The following KCNMA1 variants were observed in gnomAD, a reference collection of about 807,000 sequenced individuals.
KCNMA1 encodes the protein Calcium-activated potassium channel subunit alpha-1.
In KCNMA1, 29 loss-of-function variants were observed where a neutral mutation model predicts 140.0. The ratio of observed to expected loss-of-function variants is 0.21; its 90% CI spans 0.15 to 0.28. The LOEUF (loss-of-function observed/expected upper bound fraction) is 0.28. KCNMA1 is among the 10% of genes least tolerant of loss of function. KCNMA1 has a pLI of 1.00. For synonymous variants in KCNMA1, 612 were observed against 611.9 expected, an observed-to-expected ratio of 1.00 and a Z score of 0.00; for missense variants, 880 against 1,602.2, an observed-to-expected ratio of 0.55 and a Z score of 7.70.
chr10:77,483,597 G>C (rs111850111), intron 1 of KCNMA1, among the ~76,000 whole-genome samples: 69 of 152,318 alleles, frequency 4.5e-4, no homozygotes, highest in African/African-American at 1.3e-3. Flanking sequence ...CATGAGAAGA[G>C]AGCAGACTTC....
intron 16 of KCNMA1, chr10:77,023,009 A>C (rs544255810): frequency 2.2e-6 from 1 of 450,772 alleles, no homozygotes; most frequent in East Asian, 7.1e-5. Flanking sequence ...TCCTAGACAT[A>C]AAACACATCT....
Position 77,382,994 on chromosome 10 carries a change from GTATATATA to G in KCNMA1, c.540+20860_540+20867del, listed in dbSNP as rs544257955. Among the ~76,000 whole-genome samples, 103 of 46,420 alleles carry G rather than the reference GTATATATA, an allele frequency of 2.2e-3. 3 individuals are homozygous for G. Among genetic ancestry groups the G allele is most frequent in the Middle Eastern group, 0.012 (1 of 84 alleles). The allele number at this position is 46,420 out of a possible 152,430, so 30.5% of individuals were successfully genotyped here. On this transcript the variant is annotated intron_variant, in intron 2 of 27. Transcript: ENST00000286628. The stretch of plus-strand genomic sequence containing the variant: ...TGTGTGTGTGTGTGTGTGTGTGTGT[GTATATATA>G]TATATATATATATATATATATATAT...
At chr10:77,348,725 T>G (rs1218160714) in intron 2 of KCNMA1, among the ~76,000 whole-genome samples, 5 of 152,210 alleles carry the variant, frequency 3.3e-5, no homozygotes, top group Non-Finnish European at 5.9e-5. Context: ...AATATTCCAG[T>G]AGGGACCTGA....
chr10:77,390,138 C>T (rs10824536), intron 2 of KCNMA1, among the ~76,000 whole-genome samples: 19,696 of 152,142 alleles, frequency 0.13, 1,756 homozygotes, highest in African/African-American at 0.25. Flanking sequence ...TGCAAGGGAA[C>T]GAACTACTGA....
At chr10:77,103,493 G>A (rs755425414) in intron 9 of KCNMA1, among the ~76,000 whole-genome samples, 12 of 152,220 alleles carry the variant, frequency 7.9e-5, no homozygotes, top group Non-Finnish European at 1.6e-4. Flanking sequence ...GGGAACAGGT[G>A]GTTCCATCTG....
intron 2 of KCNMA1, among the ~76,000 whole-genome samples, chr10:77,252,735 G>A (rs2059922002): frequency 6.6e-6 from 1 of 152,076 alleles, no homozygotes; most frequent in Non-Finnish European, 1.5e-5. Flanking sequence ...GGGCAGAATG[G>A]TGGCTTGCAC....
chr10:77,179,264 G>A (rs2098781944), intron 5 of KCNMA1, among the ~76,000 whole-genome samples: 4 of 152,174 alleles, frequency 2.6e-5, no homozygotes, highest in African/African-American at 7.2e-5. Context: ...GATGTGGACT[G>A]AGTTGGTGGA....
At chr10:76,918,918 TCACACA>T (rs71477059) in intron 23 of KCNMA1, among the ~76,000 whole-genome samples, 10 of 144,248 alleles carry the variant, frequency 6.9e-5, no homozygotes, top group African/African-American at 1.8e-4. Context: ...ATATATCACA[TCACACA>T]CACACACACA....
At chr10:76,999,383 A>T (rs1174073467) in intron 19 of KCNMA1, among the ~76,000 whole-genome samples, 1 of 152,158 alleles carries the variant, frequency 6.6e-6, no homozygotes, top group Non-Finnish European at 1.5e-5. Flanking sequence ...AGTCTAGGCT[A>T]AGGTTTTAGA....
intron 14 of KCNMA1, among the ~76,000 whole-genome samples, chr10:77,059,350 C>T (rs2095655809): frequency 6.6e-6 from 1 of 151,974 alleles, no homozygotes. Context: ...AGATTTCCAA[C>T]TCATTTTATA....
chr10:77,339,808 CT>C (rs1264884564), intron 2 of KCNMA1, among the ~76,000 whole-genome samples: 3 of 152,242 alleles, frequency 2.0e-5, no homozygotes, highest in African/African-American at 7.2e-5. Flanking sequence ...GGGAAGATGT[CT>C]GATAAAAAGC....
intron 3 of KCNMA1, among the ~76,000 whole-genome samples, chr10:77,186,525 T>C (rs939073580): frequency 1.3e-5 from 2 of 152,084 alleles, no homozygotes; most frequent in African/African-American, 4.8e-5. Context: ...CCTGCTCTCC[T>C]ACACAGGTAC....
At chr10:77,543,435 A>T (rs2060652620) in intron 1 of KCNMA1, among the ~76,000 whole-genome samples, 1 of 152,210 alleles carries the variant, frequency 6.6e-6, no homozygotes, top group Non-Finnish European at 1.5e-5. Flanking sequence ...TGCAAGATAA[A>T]AAAAATATGG....
At position 77,108,712 on chromosome 10, in the gene KCNMA1, T is replaced by TA. The variant is rs1320976702; in HGVS notation, c.1132-141dup. ...AGGTATATATTGATATGTTGGATCA[T>TA]AAAAAACTAAAAGCACGAAGAGAGC... On this transcript the variant is annotated intron_variant, in intron 8 of 27. Transcript: ENST00000286628. This position sits in a 1 kb window ranked among gnomAD's most constrained non-coding sequence, Gnocchi z 4.6. 8.8e-6 allele frequency: 6 copies of TA among 682,740 alleles called. No homozygotes were observed. The Admixed American group carries it at 1.2e-4, about 13-fold the overall frequency. 42.3% of individuals were successfully genotyped at this position (682,740 alleles called of 1,614,324 possible).
intron 12 of KCNMA1, among the ~76,000 whole-genome samples, chr10:77,081,526 G>C (rs61866979): frequency 2.0e-5 from 3 of 151,994 alleles, no homozygotes; most frequent in African/African-American, 7.2e-5. Context: ...ACCCAGCAGC[G>C]CTCCCCACTT....
At chr10:77,323,611 C>T (rs1041610858) in intron 2 of KCNMA1, among the ~76,000 whole-genome samples, 43 of 152,346 alleles carry the variant, frequency 2.8e-4, no homozygotes, top group African/African-American at 9.4e-4. Flanking sequence ...ACCTATTGAG[C>T]TGCAAGAGGA....
chr10:77,500,276 T>C (rs2043396115), intron 1 of KCNMA1, among the ~76,000 whole-genome samples: 1 of 150,944 alleles, frequency 6.6e-6, no homozygotes, highest in South Asian at 2.1e-4. Context: ...AATAAATATA[T>C]AAAATTATAC....
At chr10:77,632,813 C>T (rs533990688) in intron 1 of KCNMA1, among the ~76,000 whole-genome samples, 32 of 152,346 alleles carry the variant, frequency 2.1e-4, no homozygotes, top group African/African-American at 7.5e-4. Context: ...TGCTAAGTGT[C>T]TGGCATTTGC....
intron 17 of KCNMA1, among the ~76,000 whole-genome samples, chr10:77,014,514 T>C (rs2091586540): frequency 6.6e-6 from 1 of 151,364 alleles, no homozygotes; most frequent in Non-Finnish European, 1.5e-5. Context: ...CATTGAACAA[T>C]AGATTTCTTG....
Sources: gnomAD v4.1 joint callset for allele counts (sites outside exome capture counted in the v4.1 genomes callset) on GRCh38, gnomAD v4.1.1 for gene constraint, Gnocchi (gnomAD v3.1) non-coding constraint, MANE v1.5 for transcripts, NCBI Gene and HGNC (gene_info 2026-07-23, HGNC 2026-07-21) for gene names.